Variants in PITPNB observed in about 807,000 individuals in gnomAD.
The protein encoded by PITPNB is phosphatidylinositol transfer protein beta.
PITPNB carries 16 observed loss-of-function variants against 45.9 expected under a neutral mutation model. The observed-to-expected ratio is 0.35, with a 90% CI of 0.24 to 0.53. The LOEUF is 0.53. PITPNB is among the 20% of genes least tolerant of loss of function. The pLI is 0.93. For missense variants in PITPNB, 188 were observed against 330.5 expected (o/e 0.57, Z 3.34); for synonymous variants, 112 against 108.9 (o/e 1.03, Z -0.18).
In PITPNB at chr22:27,853,787, T is replaced by C. The variant is rs1016807285; in HGVS notation, c.*39-124A>G. On this transcript the variant is annotated intron_variant, in intron 11 of 11. Transcript: ENST00000335272. ...TTGGCAGAAAATGTACCCCAACTAC[T>C]GCATCTTACAATTTTCATCTGTTCA... 699 of 695,094 alleles carry C rather than the reference T, an allele frequency of 1.0e-3. 5 individuals carry two copies. In the East Asian group the frequency reaches 0.019, roughly 19 times the overall value. The allele number at this position is 695,094 out of a possible 1,614,324, so 43.1% of individuals were successfully genotyped here. A position where few individuals can be genotyped will look rare whatever the true frequency, so the allele number is the denominator to read the frequency against.
intron 1 of PITPNB, among the ~76,000 whole-genome samples, chr22:27,916,927 G>T (rs1169546657): frequency 1.3e-5 from 2 of 152,190 alleles, no homozygotes; most frequent in East Asian, 3.8e-4. Flanking sequence ...ATTTTAGAAA[G>T]TTGACTTGAG....
At chr22:27,904,272 A>G (rs535674374) in intron 3 of PITPNB, among the ~76,000 whole-genome samples, 20 of 152,388 alleles carry the variant, frequency 1.3e-4, no homozygotes, top group Admixed American at 1.2e-3. Flanking sequence ...AAAATGTGGC[A>G]GGCCTATACA....
At chr22:27,910,891 G>T in intron 3 of PITPNB, 73 bp downstream of exon 3, 1 of 1,055,644 alleles carries the variant, frequency 9.5e-7, no homozygotes. Flanking sequence ...ACATCTACTA[G>T]TTAAGTTAGC....
rs1453742021 is a variant in PITPNB at position 27,852,957 on chromosome 22, A to C, written c.*745T>G. The C allele has an allele frequency of 6.6e-6, 1 of 152,636 alleles. No homozygotes were observed. The highest frequency in any genetic ancestry group is 2.4e-5 in the African/African-American group (1 of 41,454). The allele number at this position is 152,636 out of a possible 1,614,324, so 9.5% of individuals were successfully genotyped here. On this transcript the variant is annotated 3_prime_UTR_variant, in exon 12 of 12. Transcript: ENST00000335272. ...AATACAAAAATCCAATAAAAACCAG[A>C]AATTTTTTTTAAAAGGATTTTTCCC... is the stretch of plus-strand genomic sequence containing the variant.
chr22:27,897,098 A>G (rs1409388040), intron 5 of PITPNB, 32 bp downstream of exon 5: 12 of 1,466,594 alleles, frequency 8.2e-6, no homozygotes, highest in South Asian at 3.4e-5. Context: ...AAAGATAAAG[A>G]AAGTATGAGA....
chr22:27,871,003 A>C (rs1444175251), intron 8 of PITPNB, among the ~76,000 whole-genome samples: 1 of 152,226 alleles, frequency 6.6e-6, no homozygotes, highest in African/African-American at 2.4e-5. Flanking sequence ...AAATGGGCAG[A>C]AACAACCAGC....
chr22:27,855,764 T>C (rs2146343580), intron 10 of PITPNB, among the ~76,000 whole-genome samples: 1 of 152,342 alleles, frequency 6.6e-6, no homozygotes, highest in African/African-American at 2.4e-5. Context: ...AAGATGCTAG[T>C]TCTCTCCAGG....
rs141328069 is a variant in PITPNB at position 27,885,068 on chromosome 22, T to C, written c.456+9487A>G. ...AATTACTTCCAAAAACGAAGGTCTCTCTGATGTTAATCGTGTGTATACTTC... is the reference window on the plus strand; with the variant it reads ...AATTACTTCCAAAAACGAAGGTCTCCCTGATGTTAATCGTGTGTATACTTC... On this transcript the variant is annotated intron_variant, in intron 7 of 11. Transcript: ENST00000335272. Among the ~76,000 whole-genome samples, 1,030 of 151,376 alleles carry C rather than the reference T, an allele frequency of 6.8e-3. 7 individuals are homozygous for C. The highest frequency in any genetic ancestry group is 0.023 in the African/African-American group (935 of 41,322).
intron 8 of PITPNB, among the ~76,000 whole-genome samples, chr22:27,866,460 T>C (rs943166404): frequency 6.6e-6 from 1 of 152,126 alleles, no homozygotes; most frequent in Non-Finnish European, 1.5e-5. Context: ...ACTGGAGGAG[T>C]GAGCAATCAG....
chr22:27,903,006 T>C (rs148432626), intron 3 of PITPNB, among the ~76,000 whole-genome samples: 33 of 152,256 alleles, frequency 2.2e-4, no homozygotes, highest in Non-Finnish European at 3.5e-4. Context: ...GCTGGGACTA[T>C]AGGCAAACAC....
intron 3 of PITPNB, among the ~76,000 whole-genome samples, chr22:27,908,350 T>A (rs1433852181): frequency 6.7e-6 from 1 of 150,042 alleles, no homozygotes; most frequent in Non-Finnish European, 1.5e-5. Context: ...TTTTTTCTGA[T>A]TTTTTTCAAA....
chr22:27,869,152 C>T (rs955349222), intron 8 of PITPNB, among the ~76,000 whole-genome samples: 1 of 152,088 alleles, frequency 6.6e-6, no homozygotes, highest in African/African-American at 2.4e-5. Flanking sequence ...ATCAGAAATG[C>T]ACAATTCTGC....
intron 7 of PITPNB, among the ~76,000 whole-genome samples, chr22:27,875,130 G>A (rs1934783731): frequency 1.3e-5 from 2 of 152,304 alleles, no homozygotes; most frequent in South Asian, 4.1e-4. Flanking sequence ...TCAGTTCAGA[G>A]AGAAAACAAA....
At chr22:27,889,607 T>C (rs1935216425) in intron 7 of PITPNB, among the ~76,000 whole-genome samples, 1 of 152,238 alleles carries the variant, frequency 6.6e-6, no homozygotes, top group Non-Finnish European at 1.5e-5. Context: ...TTACAGATCA[T>C]CTGTTCTCTT....
Position 27,896,540 on chromosome 22 carries a change from G to A in PITPNB, c.372+12C>T, listed in dbSNP as rs149563802. ...GGGACTTTTGTACTAAAAGTGCAGAGTTGAAACTTACATTTTCTAATGTTC... is the reference window on the plus strand; with the variant it reads ...GGGACTTTTGTACTAAAAGTGCAGAATTGAAACTTACATTTTCTAATGTTC... On this transcript the variant is annotated intron_variant, in intron 6 of 11. Coordinates refer to ENST00000335272, the MANE Select transcript of PITPNB (RefSeq NM_012399.5). 292 of 1,582,848 alleles carry A rather than the reference G, an allele frequency of 1.8e-4. 2 individuals are homozygous for A. The African/African-American group carries it at 3.5e-3, about 19-fold the overall frequency.
At chr22:27,860,274 G>T in intron 8 of PITPNB, 33 bp from the exon 9 acceptor site, 1 of 1,276,590 alleles carries the variant, frequency 7.8e-7, no homozygotes, top group Non-Finnish European at 1.1e-6. Flanking sequence ...GAGAAATTAT[G>T]ACTTAAATAT....
chr22:27,879,488 A>AG lies in PITPNB; in HGVS notation c.457-5674dup, dbSNP rs1457215544. On this transcript the variant is annotated intron_variant, in intron 7 of 11. Transcript: ENST00000335272. ...TGGGCTACACCCCAGCACTCTCCTC[A>AG]GGGGGAGGTGGGTTCCTGCTTTGGG... Among the ~76,000 whole-genome samples, 4 of 152,282 alleles carry AG rather than the reference A, an allele frequency of 2.6e-5. No homozygotes were observed. In the East Asian group the frequency reaches 7.7e-4, roughly 29 times the overall value.
intron 7 of PITPNB, 109 bp from the exon 8 acceptor site, chr22:27,873,924 G>T: frequency 1.4e-6 from 1 of 708,548 alleles, no homozygotes. Flanking sequence ...AAATCAATTA[G>T]ACTCACTGTG....
At position 27,853,454 on chromosome 22, in the gene PITPNB, A is replaced by T; in HGVS notation, c.*248T>A. 1 of 625,530 alleles carries T rather than the reference A, an allele frequency of 1.6e-6. No homozygotes were observed. The highest frequency in any genetic ancestry group is 2.9e-6 in the Non-Finnish European group (1 of 346,184). 38.7% of individuals were successfully genotyped at this position (625,530 alleles called of 1,614,324 possible). A position where few individuals can be genotyped will look rare whatever the true frequency, so the allele number is the denominator to read the frequency against. ...TGTACATATATACACAAGTGTGTGT[A>T]TCTGGATCTGTAGCTCTACATGCGC... On this transcript the variant is annotated 3_prime_UTR_variant, in exon 12 of 12. Coordinates refer to ENST00000335272, the MANE Select transcript of PITPNB (RefSeq NM_012399.5).
Sources: allele counts gnomAD v4.1 joint callset (sites outside exome capture counted in the v4.1 genomes callset), GRCh38; gene constraint gnomAD v4.1.1; transcripts MANE v1.5; gene names NCBI Gene and HGNC (gene_info 2026-07-23, HGNC 2026-07-21).